The following TSPAN15 variants were observed in gnomAD, a reference collection of about 807,000 sequenced individuals.
TSPAN15 encodes tetraspanin 15.
In TSPAN15, 20 loss-of-function variants were observed where a neutral mutation model predicts 34.5. The observed-to-expected ratio is 0.58, with a 90% CI of 0.41 to 0.84. The LOEUF (loss-of-function observed/expected upper bound fraction) is 0.84. Among genes scored for constraint, TSPAN15 ranks in the 40% least tolerant of loss-of-function variants. The pLI is 0.00. For synonymous variants in TSPAN15, 155 were observed against 153.9 expected (o/e 1.01, Z -0.05); for missense variants, 313 against 386.1 (o/e 0.81, Z 1.59).
the TSPAN15 span, among the ~76,000 whole-genome samples, chr10:69,514,401 C>T: frequency 6.6e-6 from 1 of 152,194 alleles, no homozygotes; most frequent in East Asian, 1.9e-4. Flanking sequence ...CCTTCCTTTT[C>T]AATTTTCTGG....
chr10:69,520,991 TC>T, the TSPAN15 span, among the ~76,000 whole-genome samples: 7 of 72,724 alleles, frequency 9.6e-5, no homozygotes, highest in African/African-American at 3.5e-4. Context: ...CCTGTTATTT[TC>T]CTTTTTTTTT....
At chr10:69,461,027 G>T (rs892418088) in intron 1 of TSPAN15, among the ~76,000 whole-genome samples, 11 of 152,166 alleles carry the variant, frequency 7.2e-5, no homozygotes, top group African/African-American at 2.4e-4. Flanking sequence ...CCACAGGGGT[G>T]AGGCTTAGAT....
chr10:69,509,231 C>T (rs1842390880), downstream of TSPAN15, among the ~76,000 whole-genome samples: 2 of 151,532 alleles, frequency 1.3e-5, no homozygotes, highest in South Asian at 4.2e-4. Context: ...CACAGACACC[C>T]CTCTACCTCA....
chr10:69,463,746 G>T (rs1345401018), intron 1 of TSPAN15, among the ~76,000 whole-genome samples: 1 of 150,662 alleles, frequency 6.6e-6, no homozygotes, highest in Non-Finnish European at 1.5e-5. Context: ...GGAGGTGGAG[G>T]TTGCAGTGAG....
rs1842322272 is a variant in TSPAN15, at chr10:69,506,160, T to C, written c.655T>C (p.Cys219Arg). ...SVQDVIYVRG[C>R]TNAVIIWFMD... ...GCAGGATGTCATCTACGTGCGGGGC[T>C]GCACCAACGCCGTGATCATCTGGTT... The change falls in exon 7 of 8, where the codon TGC (cysteine) becomes CGC (arginine). Residue 219 changes from cysteine (C) to arginine (R), a missense_variant. Coordinates refer to ENST00000373290, the MANE Select transcript of TSPAN15 (RefSeq NM_012339.5). The surrounding 1 kb of genome is among the most constrained non-coding windows in gnomAD (Gnocchi z 4.7). The C allele has an allele frequency of 2.5e-6, 4 of 1,614,076 alleles. No homozygotes were observed. The African/African-American group carries it at 5.3e-5, about 22-fold the overall frequency.
the TSPAN15 span, among the ~76,000 whole-genome samples, chr10:69,530,820 C>CTCTCTCTCTATA: frequency 5.2e-4 from 16 of 30,776 alleles, no homozygotes; most frequent in Non-Finnish European, 4.2e-4. Flanking sequence ...CTCTCTCTCT[C>CTCTCTCTCTATA]TATATATATA....
At chr10:69,540,385 A>G in the TSPAN15 span, among the ~76,000 whole-genome samples, 2 of 152,328 alleles carry the variant, frequency 1.3e-5, no homozygotes, top group Non-Finnish European at 2.9e-5. Flanking sequence ...TTTGGTGCCC[A>G]TGCACAGCTT....
chr10:69,514,871 C>G, the TSPAN15 span, among the ~76,000 whole-genome samples: 1,954 of 152,062 alleles, frequency 0.013, 53 homozygotes, highest in African/African-American at 0.045. Flanking sequence ...GATTTCTCCT[C>G]TCCGGCCCCT....
At chr10:69,542,383 A>G in the TSPAN15 span, among the ~76,000 whole-genome samples, 2 of 152,004 alleles carry the variant, frequency 1.3e-5, no homozygotes, top group African/African-American at 4.8e-5. Flanking sequence ...GACTGTTCCA[A>G]CCTCTGCCTG....
downstream of TSPAN15, among the ~76,000 whole-genome samples, chr10:69,511,000 C>T (rs1045977361): frequency 5.3e-5 from 8 of 152,142 alleles, no homozygotes; most frequent in African/African-American, 1.7e-4. Context: ...AGGATTTTTG[C>T]ATCGTTGTTC....
chr10:69,503,306 C>A (rs1026234366), intron 5 of TSPAN15, among the ~76,000 whole-genome samples: 2 of 152,210 alleles, frequency 1.3e-5, no homozygotes, highest in Non-Finnish European at 2.9e-5. Flanking sequence ...AAGACACCCT[C>A]CCTTTCCTTT....
chr10:69,533,471 C>A, the TSPAN15 span, among the ~76,000 whole-genome samples: 29,157 of 152,002 alleles, frequency 0.19, 3,021 homozygotes, highest in East Asian at 0.29. Flanking sequence ...GCTATGAGGA[C>A]ACAAAGGCAT....
chr10:69,496,888 C>G (rs1269520295), intron 4 of TSPAN15, among the ~76,000 whole-genome samples: 1 of 152,188 alleles, frequency 6.6e-6, no homozygotes, highest in Non-Finnish European at 1.5e-5. Context: ...TTTATTGGAA[C>G]CAGCCTTTAG....
At chr10:69,500,829 TA>T (rs1205538130) in intron 5 of TSPAN15, among the ~76,000 whole-genome samples, 1 of 151,978 alleles carries the variant, frequency 6.6e-6, no homozygotes, top group Non-Finnish European at 1.5e-5. Context: ...CATGTTGACA[TA>T]TAAAATTAAT....
chr10:69,471,382 C>T (rs1320540866), intron 1 of TSPAN15, among the ~76,000 whole-genome samples: 1 of 152,054 alleles, frequency 6.6e-6, no homozygotes, highest in Admixed American at 6.5e-5. Context: ...GCAGTGGAGC[C>T]AATGAGGAGC....
At chr10:69,474,025 C>T (rs1208523652) in intron 1 of TSPAN15, among the ~76,000 whole-genome samples, 1 of 152,192 alleles carries the variant, frequency 6.6e-6, no homozygotes, top group Non-Finnish European at 1.5e-5. Context: ...TAAGCCTTAA[C>T]ATTGCCCAAG....
chr10:69,490,899 C>T (rs186350235), intron 3 of TSPAN15, among the ~76,000 whole-genome samples: 48 of 152,340 alleles, frequency 3.2e-4, no homozygotes, highest in African/African-American at 1.1e-3. Context: ...TCTGCGGGTA[C>T]GGAACCCGTG....
chr10:69,466,266 C>T (rs762204044), intron 1 of TSPAN15, among the ~76,000 whole-genome samples: 7 of 152,114 alleles, frequency 4.6e-5, no homozygotes, highest in East Asian at 1.9e-4. Flanking sequence ...CTGGGAGACC[C>T]GGGTCGCAGC....
rs191008585 is a variant in TSPAN15 at position 69,479,808 on chromosome 10, C to T, written c.97-3883C>T. On this transcript the variant is annotated intron_variant, in intron 1 of 7. Coordinates refer to ENST00000373290, the MANE Select transcript of TSPAN15 (RefSeq NM_012339.5). Reference sequence around the variant, plus strand: ...CTTGGGAGCACTTGAATGGGGAGGCCAGAGAGGCCTGTGCTGTATGGGGAG... The same window carrying T: ...CTTGGGAGCACTTGAATGGGGAGGCTAGAGAGGCCTGTGCTGTATGGGGAG... Among the ~76,000 whole-genome samples the T allele has an allele frequency of 1.8e-3, 281 of 152,298 alleles. 1 individual carries two copies. Among genetic ancestry groups the T allele is most frequent in the African/African-American group, 6.5e-3 (272 of 41,572 alleles).
Sources: allele counts gnomAD v4.1 joint callset (sites outside exome capture counted in the v4.1 genomes callset), GRCh38; gene constraint gnomAD v4.1.1; non-coding constraint Gnocchi (gnomAD v3.1); transcripts MANE v1.5; gene names NCBI Gene and HGNC (gene_info 2026-07-23, HGNC 2026-07-21).